LRMDA: variants seen among roughly 807,000 people sequenced by gnomAD.
LRMDA encodes the protein leucine rich melanocyte differentiation associated.
Under a neutral mutation model 29.8 loss-of-function variants are expected in LRMDA, and 18 were observed. The ratio of observed to expected loss-of-function variants is 0.60; its 90% confidence interval spans 0.42 to 0.90. The LOEUF is 0.90. Ranked by LOEUF, LRMDA falls within the 40% of genes least tolerant of loss-of-function variation. LRMDA has a pLI of 0.00. For missense variants in LRMDA, 273 were observed against 273.9 expected (o/e 1.00, Z 0.02); for synonymous variants, 125 against 109.4 (o/e 1.14, Z -0.89).
chr10:76,422,945 C>CTT (rs1304268867), intron 6 of LRMDA, among the ~76,000 whole-genome samples: 1 of 152,230 alleles, frequency 6.6e-6, no homozygotes, highest in Non-Finnish European at 1.5e-5. Context: ...AAGAAGCTAA[C>CTT]TGTACAACTC....
intron 2 of LRMDA, among the ~76,000 whole-genome samples, chr10:75,527,214 C>G (rs1305289220): frequency 6.6e-6 from 1 of 152,140 alleles, no homozygotes; most frequent in Non-Finnish European, 1.5e-5. Context: ...ATACTTCATT[C>G]CTTTTTGTGA....
chr10:76,261,150 C>T (rs1021927064), intron 5 of LRMDA, among the ~76,000 whole-genome samples: 1 of 150,050 alleles, frequency 6.7e-6, no homozygotes, highest in African/African-American at 2.5e-5. Flanking sequence ...CTGCAAACTC[C>T]ACCTCCTGGG....
At chr10:75,780,902 T>C (rs1449299227) in intron 2 of LRMDA, among the ~76,000 whole-genome samples, 3 of 152,200 alleles carry the variant, frequency 2.0e-5, no homozygotes, top group Admixed American at 6.5e-5. Flanking sequence ...GGCTGTATGA[T>C]AGCAATTTCA....
intron 5 of LRMDA, among the ~76,000 whole-genome samples, chr10:76,303,416 T>G (rs1247464): frequency 6.6e-6 from 1 of 151,902 alleles, no homozygotes; most frequent in African/African-American, 2.4e-5. Flanking sequence ...GTTCTGAGTC[T>G]TTTGTTCCAC....
At chr10:76,167,583 G>C (rs183578522) in intron 5 of LRMDA, among the ~76,000 whole-genome samples, 56 of 152,218 alleles carry the variant, frequency 3.7e-4, no homozygotes, top group Non-Finnish European at 7.2e-4. Context: ...CCTTGTTTCT[G>C]AGTTCTTTAT....
At chr10:75,652,536 T>G (rs943493674) in intron 2 of LRMDA, among the ~76,000 whole-genome samples, 1 of 152,270 alleles carries the variant, frequency 6.6e-6, no homozygotes, top group African/African-American at 2.4e-5. Context: ...TGAATAGTTC[T>G]GTGAAGCATT....
At chr10:76,217,738 CAT>C (rs1324422510) in intron 5 of LRMDA, among the ~76,000 whole-genome samples, 1 of 152,206 alleles carries the variant, frequency 6.6e-6, no homozygotes, top group East Asian at 1.9e-4. Flanking sequence ...GTTTCTCCCT[CAT>C]GTGCTGTGTG....
chr10:76,192,231 G>A (rs909695444), intron 5 of LRMDA, among the ~76,000 whole-genome samples: 1 of 152,128 alleles, frequency 6.6e-6, no homozygotes, highest in Non-Finnish European at 1.5e-5. Context: ...AGATTCCTGG[G>A]AACCACCTCC....
At chr10:75,831,880 C>A (rs1015255858) in intron 2 of LRMDA, among the ~76,000 whole-genome samples, 1 of 152,222 alleles carries the variant, frequency 6.6e-6, no homozygotes, top group African/African-American at 2.4e-5. Context: ...GTACCTTGAC[C>A]ACTTTTAGTC....
At chr10:76,229,583 C>T (rs773635553) in intron 5 of LRMDA, among the ~76,000 whole-genome samples, 3 of 152,070 alleles carry the variant, frequency 2.0e-5, no homozygotes, top group Non-Finnish European at 4.4e-5. Flanking sequence ...CAGAAAAAGC[C>T]GCCCTCTGTG....
intron 2 of LRMDA, among the ~76,000 whole-genome samples, chr10:75,799,190 A>AT (rs1843704689): frequency 6.6e-6 from 1 of 152,112 alleles, no homozygotes; most frequent in East Asian, 1.9e-4. Flanking sequence ...GGATTTATCA[A>AT]TTTTTTCTTT....
intron 2 of LRMDA, among the ~76,000 whole-genome samples, chr10:75,965,562 C>T (rs1245177948): frequency 6.6e-6 from 1 of 152,072 alleles, no homozygotes; most frequent in Non-Finnish European, 1.5e-5. Context: ...CTTCTCCGCA[C>T]TCCACTAGTG....
chr10:76,405,768 A>T (rs1207267744), intron 6 of LRMDA, among the ~76,000 whole-genome samples: 1 of 152,198 alleles, frequency 6.6e-6, no homozygotes, highest in Non-Finnish European at 1.5e-5. Context: ...CTGGAGGATT[A>T]AAACATTAAA....
chr10:76,227,269 G>A (rs951531266), intron 5 of LRMDA, among the ~76,000 whole-genome samples: 25 of 152,156 alleles, frequency 1.6e-4, no homozygotes, highest in African/African-American at 5.8e-4. Context: ...AAATATATCG[G>A]TAAAGTATAT....
intron 5 of LRMDA, among the ~76,000 whole-genome samples, chr10:76,245,779 G>A (rs1020241225): frequency 6.6e-6 from 1 of 152,186 alleles, no homozygotes; most frequent in Non-Finnish European, 1.5e-5. Flanking sequence ...GGCATGCATT[G>A]TATACAATAC....
At position 76,557,469 on chromosome 10, in the gene LRMDA, C is replaced by G; in HGVS notation, c.*181C>G. Reference sequence around the variant, plus strand: ...AGGCCTGTCAAGATGATCCTTCTGCCTTAGACTGAGTGGTCACATAGAGAT... The same window carrying G: ...AGGCCTGTCAAGATGATCCTTCTGCGTTAGACTGAGTGGTCACATAGAGAT... On this transcript the variant is annotated 3_prime_UTR_variant, in exon 7 of 7. Transcript: ENST00000611255. 2 of 616,566 alleles carry G rather than the reference C, an allele frequency of 3.2e-6. No individual in the cohort carries two copies. The allele number at this position is 616,566 out of a possible 1,614,324, so 38.2% of individuals were successfully genotyped here.
rs66523834 is a variant in LRMDA, at chr10:76,111,809, T to TG, written c.516+53035dup. Among the ~76,000 whole-genome samples, 1,196 of 150,730 alleles carry TG rather than the reference T, an allele frequency of 7.9e-3. 7 individuals carry two copies. Among genetic ancestry groups the TG allele is most frequent in the East Asian group, 0.014 (72 of 5,062 alleles). On this transcript the variant is annotated intron_variant, in intron 5 of 6. Transcript: ENST00000611255. ...GAAATCACCCCCGCCGAAATGGGGG[T>TG]GGGGGGGGGCGCATGGTGGGCTCTC...
chr10:75,892,085 TG>T (rs1845501147), intron 2 of LRMDA, among the ~76,000 whole-genome samples: 1 of 152,186 alleles, frequency 6.6e-6, no homozygotes, highest in Non-Finnish European at 1.5e-5. Flanking sequence ...TGATGATCAA[TG>T]GGTTTTGGTG....
At chr10:75,770,600 C>G (rs1052523301) in intron 2 of LRMDA, among the ~76,000 whole-genome samples, 4 of 152,150 alleles carry the variant, frequency 2.6e-5, no homozygotes, top group Admixed American at 6.5e-5. Flanking sequence ...TGTGAATATT[C>G]AAGCACAGAA....
Sources: allele counts gnomAD v4.1 joint callset (sites outside exome capture counted in the v4.1 genomes callset), GRCh38; gene constraint gnomAD v4.1.1; transcripts MANE v1.5; gene names NCBI Gene and HGNC (gene_info 2026-07-23, HGNC 2026-07-21).